The following FUT8 variants were observed in gnomAD, a reference collection of about 807,000 sequenced individuals.
FUT8 encodes the protein alpha-(1,6)-fucosyltransferase.
FUT8 carries 29 observed loss-of-function variants against 71.3 expected under a neutral mutation model. That is an observed-to-expected ratio of 0.41 (90% confidence interval 0.30 to 0.55). FUT8 has a LOEUF of 0.55. FUT8 is among the 20% of genes least tolerant of loss of function. The pLI is 0.34. For missense variants in FUT8, 544 were observed against 702.1 expected (o/e 0.77, Z 2.55); for synonymous variants, 254 against 239.3 (o/e 1.06, Z -0.57).
rs1888969449 is a variant in FUT8 at position 65,611,282 on chromosome 14, CACACACACACACACACACA to C, written c.204-4695_204-4677del. 3.3e-4 allele frequency among the ~76,000 whole-genome samples: 13 copies of C among 39,990 alleles called. 2 individuals carry two copies. The highest frequency in any genetic ancestry group is 3.8e-4 in the Non-Finnish European group (8 of 20,848). The allele number at this position is 39,990 out of a possible 152,430, so 26.2% of individuals were successfully genotyped here. A position where few individuals can be genotyped will look rare whatever the true frequency, so the allele number is the denominator to read the frequency against. ...ACACACACACACACACACACACACA[CACACACACACACACACACA>C]CCCCCCAAGTAATAGCCTTGATTTT... On this transcript the variant is annotated intron_variant, in intron 3 of 10. Coordinates refer to ENST00000673929, the MANE Select transcript of FUT8 (RefSeq NM_001371533.1).
Position 65,470,184 on chromosome 14 carries a change from C to A in FUT8, c.-228+14466C>A, listed in dbSNP as rs553047263. Among the ~76,000 whole-genome samples, 4 of 152,256 alleles carry A rather than the reference C, an allele frequency of 2.6e-5. No homozygotes were observed. In the South Asian group the frequency reaches 8.3e-4, roughly 31 times the overall value. ...TGATGATATCCAGGCTTGGCTCCAACCCCACTCTGAGAACCTGCCACATTG... is the reference window on the plus strand; with the variant it reads ...TGATGATATCCAGGCTTGGCTCCAAACCCACTCTGAGAACCTGCCACATTG... On this transcript the variant is annotated intron_variant, in intron 2 of 10. Transcript: ENST00000673929.
Position 65,742,336 on chromosome 14 carries a change from C to G in FUT8, c.1654C>G (p.Leu552Val). 1 of 1,612,772 alleles carries G rather than the reference C, an allele frequency of 6.2e-7. No homozygotes were observed. Among genetic ancestry groups the G allele is most frequent in the Non-Finnish European group, 8.5e-7 (1 of 1,179,190 alleles). The change falls in exon 11 of 11, where the codon CTA becomes GTA. Residue 552 changes from leucine (L) to valine (V), a missense_variant. By Grantham distance (32) the Leu-to-Val change is conservative. Transcript: ENST00000673929. ...CAACAGGAAATTGGGAAGGACGGGC[C>G]TATATCCCTCCTACAAAGTTCGAGA... ...GVNRKLGRTG[L>V]YPSYKVREKI... is the part of the protein sequence containing the mutation.
At chr14:65,632,580 T>C (rs1890249825) in intron 6 of FUT8, among the ~76,000 whole-genome samples, 1 of 152,154 alleles carries the variant, frequency 6.6e-6, no homozygotes, top group African/African-American at 2.4e-5. Context: ...TTTTTTTTTC[T>C]TACTGGTTTG....
At chr14:65,425,745 A>G (rs1186428202) in intron 1 of FUT8, among the ~76,000 whole-genome samples, 1 of 152,000 alleles carries the variant, frequency 6.6e-6, no homozygotes, top group Non-Finnish European at 1.5e-5. Context: ...TGGGAGGTTG[A>G]GGCAGGCGGA....
intron 6 of FUT8, among the ~76,000 whole-genome samples, chr14:65,647,007 C>A (rs765388060): frequency 1.5e-4 from 23 of 152,014 alleles, no homozygotes; most frequent in Non-Finnish European, 3.2e-4. Flanking sequence ...ACCTAAAATA[C>A]CAATTGTGAT....
At chr14:65,584,513 T>G (rs959432359) in intron 3 of FUT8, among the ~76,000 whole-genome samples, 2 of 152,176 alleles carry the variant, frequency 1.3e-5, no homozygotes, top group African/African-American at 4.8e-5. Flanking sequence ...TTGAAACTCC[T>G]TATTTAAAAG....
At chr14:65,730,739 C>G (rs1301881861) in intron 9 of FUT8, among the ~76,000 whole-genome samples, 3 of 152,156 alleles carry the variant, frequency 2.0e-5, no homozygotes. Context: ...GCAGCCATTG[C>G]TATTGTGGCG....
Position 65,666,084 on chromosome 14 carries a change from T to TA in FUT8, c.598-3149dup, listed in dbSNP as rs200016977. Among the ~76,000 whole-genome samples the TA allele has an allele frequency of 7.6e-4, 112 of 147,470 alleles. 1 individual carries two copies. In the East Asian group the frequency reaches 0.014, roughly 18 times the overall value. On this transcript the variant is annotated intron_variant, in intron 6 of 10. Transcript: ENST00000673929. ...CACGTGTACCCTTAAACTTAAAATT[T>TA]AAAAAAAAAACAAAATGCAATGTTA...
At position 65,737,074 on chromosome 14, in the gene FUT8, T is replaced by C. The variant is rs149182621; in HGVS notation, c.1410+3693T>C. 2.0e-3 allele frequency among the ~76,000 whole-genome samples: 310 copies of C among 152,244 alleles called. 1 individual carries two copies. The highest frequency in any genetic ancestry group is 6.7e-3 in the African/African-American group (278 of 41,572). On this transcript the variant is annotated intron_variant, in intron 10 of 10. Coordinates refer to ENST00000673929, the MANE Select transcript of FUT8 (RefSeq NM_001371533.1). ...GTTTGGAAAACTGCAGGCAAAAATGTCATGGGACCTTAATCGGGATTTCTC... is the reference window on the plus strand; with the variant it reads ...GTTTGGAAAACTGCAGGCAAAAATGCCATGGGACCTTAATCGGGATTTCTC...
At chr14:65,416,768 A>ATTTTTTTTTTTTTT (rs763100202) in intron 1 of FUT8, among the ~76,000 whole-genome samples, 1 of 129,248 alleles carries the variant, frequency 7.7e-6, no homozygotes, top group Non-Finnish European at 1.7e-5. Flanking sequence ...ATTTTCTTTA[A>ATTTTTTTTTTTTTT]TTTTTTTTTT....
chr14:65,439,168 A>C (rs1283317196), intron 1 of FUT8, among the ~76,000 whole-genome samples: 4 of 152,168 alleles, frequency 2.6e-5, no homozygotes, highest in Non-Finnish European at 5.9e-5. Context: ...ATCCAAATGG[A>C]AGCTTGTTAC....
chr14:65,360,052 T>G, the FUT8 span, among the ~76,000 whole-genome samples: 1 of 152,128 alleles, frequency 6.6e-6, no homozygotes, highest in African/African-American at 2.4e-5. Context: ...AAGATGATCT[T>G]GATCTCCTGA....
Position 65,505,101 on chromosome 14 carries a change from T to C in FUT8, c.-228+49383T>C, listed in dbSNP as rs561290186. Among the ~76,000 whole-genome samples the C allele has an allele frequency of 2.0e-5, 3 of 152,268 alleles. No homozygotes were observed. The East Asian group carries it at 5.8e-4, about 29-fold the overall frequency. The stretch of plus-strand genomic sequence containing the variant: ...TTTTTGGGAGCAGGGCTGTATTCTG[T>C]GCCCCATGTACTAAGCTATCTTGTC... On this transcript the variant is annotated intron_variant, in intron 2 of 10. Transcript: ENST00000673929.
At chr14:65,520,094 A>G (rs907341858) in intron 2 of FUT8, among the ~76,000 whole-genome samples, 2 of 152,184 alleles carry the variant, frequency 1.3e-5, no homozygotes, top group African/African-American at 4.8e-5. Flanking sequence ...TTAACATTTA[A>G]CAACATTTAC....
At chr14:65,611,255 A>ACCCCAAGTAATAGCCTTGATTTTG (rs1888945237) in intron 3 of FUT8, among the ~76,000 whole-genome samples, 4 of 69,248 alleles carry the variant, frequency 5.8e-5, no homozygotes, top group African/African-American at 3.7e-4. Flanking sequence ...ACACACACAC[A>ACCCCAAGTAATAGCCTTGATTTTG]CACACACACA....
intron 7 of FUT8, among the ~76,000 whole-genome samples, chr14:65,686,277 G>A (rs914915245): frequency 6.6e-5 from 10 of 152,150 alleles, no homozygotes; most frequent in Non-Finnish European, 1.3e-4. Flanking sequence ...CTGGTGCCTG[G>A]AATTGTTCAA....
At chr14:65,401,100 A>G in the FUT8 span, among the ~76,000 whole-genome samples, 23 of 152,308 alleles carry the variant, frequency 1.5e-4, no homozygotes, top group South Asian at 4.3e-3. Context: ...AGCCCACTTG[A>G]CTTCATAAAC....
intron 1 of FUT8, among the ~76,000 whole-genome samples, chr14:65,449,469 T>C (rs1309739928): frequency 6.6e-6 from 1 of 152,220 alleles, no homozygotes; most frequent in Non-Finnish European, 1.5e-5. Flanking sequence ...TCCGTTGATA[T>C]ACTGGAGTCA....
intron 2 of FUT8, among the ~76,000 whole-genome samples, chr14:65,497,302 G>A (rs1419917246): frequency 6.6e-6 from 1 of 152,128 alleles, no homozygotes; most frequent in Non-Finnish European, 1.5e-5. Flanking sequence ...GTTTGAAGGT[G>A]AAATATTTAC....
Sources: allele counts gnomAD v4.1 joint callset (sites outside exome capture counted in the v4.1 genomes callset), GRCh38; gene constraint gnomAD v4.1.1; transcripts MANE v1.5; gene names NCBI Gene and HGNC (gene_info 2026-07-23, HGNC 2026-07-21).